The following DSCAM variants were observed in gnomAD, a reference collection of about 807,000 sequenced individuals.
The protein encoded by DSCAM is cell adhesion molecule DSCAM.
In DSCAM, 47 loss-of-function variants were observed where a neutral mutation model predicts 217.7. The observed-to-expected ratio is 0.22, with a 90% CI of 0.17 to 0.28. The LOEUF (loss-of-function observed/expected upper bound fraction) is 0.28, where lower values mean the gene tolerates loss of function less well. Among genes scored for constraint, DSCAM ranks in the 10% least tolerant of loss-of-function variants. The pLI is 1.00. For missense variants in DSCAM, 2,080 were observed against 2,618.3 expected (o/e 0.79, Z 4.49); for synonymous variants, 1,056 against 1,015.3 (o/e 1.04, Z -0.76).
At chr21:40,703,459 C>T (rs977132957) in intron 2 of DSCAM, among the ~76,000 whole-genome samples, 1 of 152,106 alleles carries the variant, frequency 6.6e-6, no homozygotes, top group Non-Finnish European at 1.5e-5. Flanking sequence ...GCTGAGGCTG[C>T]AGTGAGCGAT....
chr21:40,806,879 A>T (rs1012070513), intron 1 of DSCAM, among the ~76,000 whole-genome samples: 1 of 152,086 alleles, frequency 6.6e-6, no homozygotes, highest in Non-Finnish European at 1.5e-5. Flanking sequence ...CAAACACCAC[A>T]TATTCTCACT....
intron 3 of DSCAM, among the ~76,000 whole-genome samples, chr21:40,572,204 A>T (rs1370627516): frequency 1.3e-5 from 2 of 152,090 alleles, no homozygotes; most frequent in African/African-American, 4.8e-5. Flanking sequence ...AAGAATACAA[A>T]GAATGAGAGA....
intron 16 of DSCAM, among the ~76,000 whole-genome samples, chr21:40,152,292 GCTTT>G (rs1449074363): frequency 6.6e-6 from 1 of 152,210 alleles, no homozygotes; most frequent in Non-Finnish European, 1.5e-5. Flanking sequence ...CTAAGTGAGT[GCTTT>G]CTGTTTGCCT....
At chr21:40,386,666 C>T (rs2075088666) in intron 3 of DSCAM, among the ~76,000 whole-genome samples, 1 of 152,158 alleles carries the variant, frequency 6.6e-6, no homozygotes. Flanking sequence ...GCTTTATTAA[C>T]CTATAAGCAC....
intron 3 of DSCAM, chr21:40,621,130 A>G (rs2089510239): frequency 6.6e-6 from 1 of 152,256 alleles, no homozygotes; most frequent in South Asian, 2.1e-4. Context: ...TGTCCCACAG[A>G]AACATTATCT....
intron 3 of DSCAM, among the ~76,000 whole-genome samples, chr21:40,546,893 GT>G (rs1215704522): frequency 1.3e-5 from 2 of 151,746 alleles, no homozygotes; most frequent in Admixed American, 1.3e-4. Context: ...TGAGAATGTG[GT>G]TTTGCTCCAG....
chr21:40,061,204 C>T (rs974280810), intron 28 of DSCAM, among the ~76,000 whole-genome samples: 1 of 152,168 alleles, frequency 6.6e-6, no homozygotes, highest in African/African-American at 2.4e-5. Flanking sequence ...AATCAAAAGT[C>T]CATAGCCTGC....
intron 3 of DSCAM, among the ~76,000 whole-genome samples, chr21:40,476,302 A>G (rs2075935219): frequency 6.6e-6 from 1 of 152,258 alleles, no homozygotes; most frequent in South Asian, 2.1e-4. Flanking sequence ...TCAGCCATTC[A>G]TCATGGATAC....
At position 40,304,096 on chromosome 21, in the gene DSCAM, C is replaced by G. The variant is rs1182013052; in HGVS notation, c.2063-7922G>C. Among the ~76,000 whole-genome samples, 6 of 152,342 alleles carry G rather than the reference C, an allele frequency of 3.9e-5. No homozygotes were observed. In the East Asian group the frequency reaches 1.2e-3, roughly 29 times the overall value. ...AACCATCAGTCCACTGTCATAAGAG[C>G]TATGAGATTTGGCTCTTATTGGCTC... On this transcript the variant is annotated intron_variant, in intron 9 of 32. Coordinates refer to ENST00000400454, the MANE Select transcript of DSCAM (RefSeq NM_001389.5).
At chr21:40,746,813 A>G (rs909685148) in intron 1 of DSCAM, among the ~76,000 whole-genome samples, 1 of 151,900 alleles carries the variant, frequency 6.6e-6, no homozygotes, top group African/African-American at 2.4e-5. Context: ...ATAGATTATG[A>G]AAGTCACAAA....
At chr21:40,156,937 T>A (rs1174948552) in intron 16 of DSCAM, among the ~76,000 whole-genome samples, 2 of 152,144 alleles carry the variant, frequency 1.3e-5, no homozygotes, top group Non-Finnish European at 2.9e-5. Context: ...CAGATGAGAC[T>A]CTCTCAGTTG....
At chr21:40,127,452 G>A (rs1294514494) in intron 19 of DSCAM, among the ~76,000 whole-genome samples, 2 of 152,174 alleles carry the variant, frequency 1.3e-5, no homozygotes, top group South Asian at 4.1e-4. Flanking sequence ...ACAAACTTGG[G>A]AAGTTTTCAT....
chr21:40,708,998 C>T (rs1419806353), intron 1 of DSCAM, among the ~76,000 whole-genome samples: 1 of 152,162 alleles, frequency 6.6e-6, no homozygotes, highest in Non-Finnish European at 1.5e-5. Context: ...GTTAAGTTAT[C>T]CTGGATGTTA....
chr21:40,309,297 A>T (rs1211555562), intron 9 of DSCAM, among the ~76,000 whole-genome samples: 1 of 152,198 alleles, frequency 6.6e-6, no homozygotes, highest in Non-Finnish European at 1.5e-5. Context: ...ATATCCATCA[A>T]GGTCATAAAC....
chr21:40,485,377 G>A (rs902837329), intron 3 of DSCAM, among the ~76,000 whole-genome samples: 1 of 151,798 alleles, frequency 6.6e-6, no homozygotes, highest in Non-Finnish European at 1.5e-5. Context: ...CGAGTAGCTG[G>A]GACTACAGGC....
At chr21:40,669,908 AT>A (rs140372676) in intron 3 of DSCAM, among the ~76,000 whole-genome samples, 5,364 of 151,014 alleles carry the variant, frequency 0.036, 308 homozygotes, top group African/African-American at 0.12. Flanking sequence ...TATACTTTTC[AT>A]TTTCTAAGGC....
intron 3 of DSCAM, among the ~76,000 whole-genome samples, chr21:40,475,847 A>T (rs1171488179): frequency 6.6e-6 from 1 of 151,946 alleles, no homozygotes; most frequent in Non-Finnish European, 1.5e-5. Context: ...ATAAATTAAT[A>T]AATAAAATTT....
intron 16 of DSCAM, among the ~76,000 whole-genome samples, chr21:40,148,163 C>A (rs73225227): frequency 0.044 from 6,731 of 151,988 alleles, 200 homozygotes; most frequent in African/African-American, 0.077. Flanking sequence ...TAGAGTTATG[C>A]GTTATTTGAT....
chr21:40,267,994 T>TAC (rs576061613), intron 11 of DSCAM, among the ~76,000 whole-genome samples: 24 of 152,154 alleles, frequency 1.6e-4, no homozygotes, highest in Non-Finnish European at 3.4e-4. Context: ...TATATACAAA[T>TAC]ACACACACAT....
Sources: gnomAD v4.1 joint callset for allele counts (sites outside exome capture counted in the v4.1 genomes callset) on GRCh38, gnomAD v4.1.1 for gene constraint, MANE v1.5 for transcripts, NCBI Gene and HGNC (gene_info 2026-07-23, HGNC 2026-07-21) for gene names.